Variants in HEATR5B observed in about 807,000 individuals in gnomAD.
The protein encoded by HEATR5B is HEAT repeat-containing protein 5B.
Under a neutral mutation model 224.1 loss-of-function variants are expected in HEATR5B, and 156 were observed. The observed-to-expected ratio is 0.70, with a 90% confidence interval of 0.61 to 0.80. The LOEUF (loss-of-function observed/expected upper bound fraction) is 0.80, where lower values mean the gene tolerates loss of function less well. HEATR5B is among the 30% of genes least tolerant of loss of function. The pLI is 0.00. For synonymous variants in HEATR5B, 1,027 were observed against 893.0 expected (o/e 1.15, Z -2.68); for missense variants, 2,323 against 2,535.5 (o/e 0.92, Z 1.80).
rs1275645844 is a variant in HEATR5B, at chr2:37,013,898, C to T, written c.4227G>A (p.Leu1409=). ...CCATGGTCGTGGCACTCTCTCGGTACAGCTGGCTGGAAGATCCTTTTCCAG... is the reference window on the plus strand; with the variant it reads ...CCATGGTCGTGGCACTCTCTCGGTATAGCTGGCTGGAAGATCCTTTTCCAG... The part of the protein sequence containing the change: ...VQAGKGSSSQ[L]YRESATTMEK... The change falls in exon 27 of 36, where the codon CTG becomes CTA. Residue 1409 remains leucine, a synonymous_variant. Coordinates refer to ENST00000233099, the MANE Select transcript of HEATR5B (RefSeq NM_019024.3). The T allele has an allele frequency of 6.2e-7, 1 of 1,612,902 alleles. No homozygotes were observed. The highest frequency in any genetic ancestry group is 8.5e-7 in the Non-Finnish European group (1 of 1,179,424).
rs751037438 is a variant in HEATR5B, at chr2:37,041,275, T to C, written c.2714A>G (p.Asp905Gly). 2 of 1,613,758 alleles carry C rather than the reference T, an allele frequency of 1.2e-6. No homozygotes were observed. The highest frequency in any genetic ancestry group is 1.7e-6 in the Non-Finnish European group (2 of 1,179,890). ...YSFDKLKSARDVVSRTGHSLA... is the reference protein window; with the variant it reads ...YSFDKLKSARGVVSRTGHSLA... ...TGAATGACCAGTCCTAGATACAACA[T>C]CTCGAGCCGATTTCAACCTGAAAAA... is the stretch of plus-strand genomic sequence containing the variant. The change falls in exon 19 of 36, where the codon GAT becomes GGT. Residue 905 changes from aspartate (D) to glycine (G), a missense_variant. Transcript: ENST00000233099.
chr2:36,989,300 G>A (rs1243077349), intron 34 of HEATR5B, among the ~76,000 whole-genome samples: 1 of 152,142 alleles, frequency 6.6e-6, no homozygotes, highest in Non-Finnish European at 1.5e-5. Flanking sequence ...TGGTCAGGAC[G>A]CTCTCAATCT....
Position 37,020,722 on chromosome 2 carries a change from T to C in HEATR5B, c.3968A>G (p.Lys1323Arg), listed in dbSNP as rs190922279. ...AGLQALEDII[K>R]KFASVPEPEF... ...TGGCTCAGGCACAGACGCAAACTTC[T>C]TGATAATGTCTTCAAGCGCCTGGAG... The change falls in exon 25 of 36, where the codon AAG becomes AGG. Residue 1323 changes from lysine (K) to arginine (R), a missense_variant. Physicochemically the swap from Lys to Arg is conservative, Grantham distance 26. Coordinates refer to ENST00000233099, the MANE Select transcript of HEATR5B (RefSeq NM_019024.3). 640 of 1,610,028 alleles carry C rather than the reference T, an allele frequency of 4.0e-4. 6 individuals carry two copies. The Admixed American group carries it at 0.01, about 26-fold the overall frequency.
chr2:37,011,280 C>A (rs902212041), intron 27 of HEATR5B, among the ~76,000 whole-genome samples: 1 of 152,092 alleles, frequency 6.6e-6, no homozygotes, highest in South Asian at 2.1e-4. Context: ...GAGGGAACAG[C>A]CAGAGCAAGA....
chr2:37,024,023 T>C (rs1668619885), intron 24 of HEATR5B, among the ~76,000 whole-genome samples: 1 of 152,134 alleles, frequency 6.6e-6, no homozygotes, highest in Non-Finnish European at 1.5e-5. Flanking sequence ...TGTCTATCAA[T>C]TGATAAAGAA....
intron 8 of HEATR5B, among the ~76,000 whole-genome samples, chr2:37,066,193 C>A (rs751400253): frequency 2.0e-5 from 3 of 152,152 alleles, no homozygotes; most frequent in African/African-American, 7.2e-5. Context: ...TATAAAAGCA[C>A]AGATACTGCA....
Position 37,060,744 on chromosome 2 carries a change from A to G in HEATR5B, c.1697-11T>C, listed in dbSNP as rs1234322002. Reference sequence around the variant, plus strand: ...GAACGACAGATGGTCCTAGCCAAGAAAATGAGAATACAAAACCATGTATAT... The same window carrying G: ...GAACGACAGATGGTCCTAGCCAAGAGAATGAGAATACAAAACCATGTATAT... On this transcript the variant is annotated splice_polypyrimidine_tract_variant and intron_variant, in intron 11 of 35. Transcript: ENST00000233099. 1 of 1,608,998 alleles carries G rather than the reference A, an allele frequency of 6.2e-7. No individual in the cohort carries two copies. Among genetic ancestry groups the G allele is most frequent in the Non-Finnish European group, 8.5e-7 (1 of 1,177,140 alleles).
intron 18 of HEATR5B, among the ~76,000 whole-genome samples, chr2:37,044,854 C>A (rs913084049): frequency 6.6e-6 from 1 of 152,136 alleles, no homozygotes; most frequent in South Asian, 2.1e-4. Flanking sequence ...TTTCTCTCTA[C>A]GCCTCATTTT....
At chr2:37,081,595 A>C (rs1174827377) in intron 2 of HEATR5B, among the ~76,000 whole-genome samples, 1 of 152,170 alleles carries the variant, frequency 6.6e-6, no homozygotes, top group African/African-American at 2.4e-5. Context: ...GTGAAGTTGT[A>C]TGTACCTTGA....
At position 36,992,706 on chromosome 2, in the gene HEATR5B, CA is replaced by C. The variant is rs952064675; in HGVS notation, c.5546-1908del. The stretch of plus-strand genomic sequence containing the variant: ...GGCAATGCTGCAAGCAATTTTTTAT[CA>C]AAAATTATTTTATATTCATTTTTTA... On this transcript the variant is annotated intron_variant, in intron 33 of 35. Transcript: ENST00000233099. 1.8e-3 allele frequency among the ~76,000 whole-genome samples: 270 copies of C among 152,206 alleles called. 3 individuals carry two copies. Among genetic ancestry groups the C allele is most frequent in the African/African-American group, 6.3e-3 (261 of 41,550 alleles).
intron 31 of HEATR5B, 33 bp downstream of exon 31, chr2:37,003,509 T>A (rs769831213): frequency 3.5e-6 from 5 of 1,441,664 alleles, no homozygotes; most frequent in Middle Eastern, 1.8e-4. Context: ...AAAATAAGAT[T>A]TACTTCAAGT....
chr2:37,038,626 C>T (rs946958731), intron 20 of HEATR5B, among the ~76,000 whole-genome samples: 1 of 152,214 alleles, frequency 6.6e-6, no homozygotes, highest in African/African-American at 2.4e-5. Context: ...ACTATCCTCA[C>T]TTTCCCAAAG....
At chr2:37,000,546 A>G in intron 33 of HEATR5B, 40 bp downstream of exon 33, 1 of 1,493,426 alleles carries the variant, frequency 6.7e-7, no homozygotes, top group Non-Finnish European at 9.3e-7. Flanking sequence ...TAGGGAACAC[A>G]TATCCTAACT....
At position 36,988,826 on chromosome 2, in the gene HEATR5B, C is replaced by T. The variant is rs1459998004; in HGVS notation, c.5731G>A (p.Val1911Ile). The T allele has an allele frequency of 2.5e-6, 4 of 1,614,056 alleles. No homozygotes were observed. In the South Asian group the frequency reaches 4.4e-5, roughly 18 times the overall value. The change falls in exon 35 of 36, where the codon GTC becomes ATC. Residue 1911 changes from valine to isoleucine, a missense_variant. Coordinates refer to ENST00000233099, the MANE Select transcript of HEATR5B (RefSeq NM_019024.3). ...AGGGCACGATTGGAATGCTGGAAGA[C>T]TGAGAGGAGAAGCTGGTAACATTTG... ...QAKCYQLLLS[V>I]FQHSNRALST...
At chr2:37,024,999 G>A (rs908787612) in intron 24 of HEATR5B, among the ~76,000 whole-genome samples, 9 of 152,210 alleles carry the variant, frequency 5.9e-5, no homozygotes, top group Admixed American at 4.6e-4. Flanking sequence ...ATTCGGTGGT[G>A]TATTATATTT....
rs755999052 is a variant in HEATR5B, at chr2:37,068,672, G to A, written c.1177+9C>T. On this transcript the variant is annotated intron_variant, in intron 8 of 35. Transcript: ENST00000233099. ...GGTAATCAACACACATAATGATACTGATTCTTACCTACGGCTTTCATTTGT... is the reference window on the plus strand; with the variant it reads ...GGTAATCAACACACATAATGATACTAATTCTTACCTACGGCTTTCATTTGT... The A allele has an allele frequency of 6.2e-7, 1 of 1,613,652 alleles. No individual in the cohort carries two copies. Among genetic ancestry groups the A allele is most frequent in the Non-Finnish European group, 8.5e-7 (1 of 1,179,904 alleles).
At chr2:37,029,919 T>C (rs1193888288) in intron 22 of HEATR5B, among the ~76,000 whole-genome samples, 5 of 140,644 alleles carry the variant, frequency 3.6e-5, no homozygotes, top group Non-Finnish European at 3.1e-5. Flanking sequence ...AGCTGGGTGA[T>C]AGAGACTCTA....
chr2:36,983,556 CA>C (rs1272462025), intron 35 of HEATR5B, among the ~76,000 whole-genome samples: 1 of 148,362 alleles, frequency 6.7e-6, no homozygotes, highest in African/African-American at 2.5e-5. Flanking sequence ...CAAAACAAAA[CA>C]AAACAAAAAA....
At chr2:37,030,130 G>T (rs766645687) in intron 22 of HEATR5B, among the ~76,000 whole-genome samples, 2 of 152,024 alleles carry the variant, frequency 1.3e-5, no homozygotes, top group Non-Finnish European at 2.9e-5. Context: ...TACGCCCTCT[G>T]AAGTCTAGAG....
Sources: gnomAD v4.1 joint callset for allele counts (sites outside exome capture counted in the v4.1 genomes callset) on GRCh38, gnomAD v4.1.1 for gene constraint, MANE v1.5 for transcripts, NCBI Gene and HGNC (gene_info 2026-07-23, HGNC 2026-07-21) for gene names.